Variants in ZDHHC15 observed in about 807,000 individuals in gnomAD.
The protein encoded by ZDHHC15 is zDHHC palmitoyltransferase 15.
A neutral mutation model predicts 31.7 loss-of-function variants in ZDHHC15; 19 were observed. The ratio of observed to expected loss-of-function variants is 0.60; its 90% CI spans 0.42 to 0.88. The LOEUF (loss-of-function observed/expected upper bound fraction) is 0.88, where lower values mean the gene tolerates loss of function less well. Ranked by LOEUF, ZDHHC15 falls within the 40% of genes least tolerant of loss-of-function variation. ZDHHC15 has a pLI of 0.00. For synonymous variants in ZDHHC15, 103 were observed against 90.0 expected (o/e 1.14, Z -0.82); for missense variants, 209 against 251.2 (o/e 0.83, Z 1.14).
chrX:75,433,693 GTGTGTATATATA>G (rs1325412311), intron 4 of ZDHHC15, among the ~76,000 whole-genome samples: 32 of 4,163 alleles, frequency 7.7e-3, no homozygotes, highest in African/African-American at 8.5e-3. Context: ...GTGTGTGTGT[GTGTGTATATATA>G]TATATATATA....
chrX:75,431,431 G>A lies in ZDHHC15; in HGVS notation c.449+20C>T, dbSNP rs754122523. On this transcript the variant is annotated intron_variant, in intron 5 of 11. Transcript: ENST00000373367. ...TTCAGTGGCCAAGCCCAGCCCAGGG[G>A]AAATATGGCCGTCACTTACATAGCA... is the stretch of plus-strand genomic sequence containing the variant. 2 of 1,201,783 alleles carry A rather than the reference G, an allele frequency of 1.7e-6. No individual in the cohort carries two copies. Among genetic ancestry groups the A allele is most frequent in the Non-Finnish European group, 2.2e-6 (2 of 890,161 alleles).
At chrX:75,444,675 TATATATATATATACACAC>T (rs2084004942) in intron 4 of ZDHHC15, among the ~76,000 whole-genome samples, 5 of 40,882 alleles carry the variant, frequency 1.2e-4, no homozygotes, top group Middle Eastern at 0.015. Context: ...TATATATATA[TATATATATATATACACAC>T]ACACACACAC....
chrX:75,455,562 C>G (rs2084205140), intron 3 of ZDHHC15, among the ~76,000 whole-genome samples: 1 of 111,700 alleles, frequency 9.0e-6, no homozygotes, highest in Non-Finnish European at 1.9e-5. Flanking sequence ...AAAGAAACTA[C>G]CATCAGAGTG....
chrX:75,391,705 A>G (rs1256243706), intron 10 of ZDHHC15, among the ~76,000 whole-genome samples: 1 of 112,495 alleles, frequency 8.9e-6, no homozygotes. Flanking sequence ...TTCTATAAGA[A>G]ATGCTAAAAG....
chrX:75,520,012 T>G (rs5937392), intron 1 of ZDHHC15, among the ~76,000 whole-genome samples: 2,385 of 112,147 alleles, frequency 0.021, 37 homozygotes, highest in South Asian at 0.13. Flanking sequence ...CTGCATTAGT[T>G]TAGAGGAGAC....
intron 9 of ZDHHC15, among the ~76,000 whole-genome samples, chrX:75,421,422 AAT>A (rs1193780470): frequency 3.7e-5 from 2 of 54,598 alleles, no homozygotes; most frequent in Admixed American, 2.7e-4. Flanking sequence ...ATATATATAT[AAT>A]ATATATATAA....
rs1204589959 is a variant in ZDHHC15, at chrX:75,450,890, A to C, written c.291T>G (p.Tyr97Ter). Residue 97 changes from tyrosine to a stop codon, truncating the protein, a stop_gained, in exon 4 of 12, where the codon TAT becomes TAG. Transcript: ENST00000373367. LOFTEE classifies it high-confidence loss of function. ...GGACCTCAGGTCTTTCTTCATTTTC[A>C]TAGCGCTCCTTGTCTGTGTAGGACA... ...FHLSYTDKER[Y>*]ENEERPEVQK... 1 of 1,208,455 alleles carries C rather than the reference A, an allele frequency of 8.3e-7. No individual in the cohort carries two copies. The highest frequency in any genetic ancestry group is 1.1e-6 in the Non-Finnish European group (1 of 894,415).
At chrX:75,492,817 C>T (rs1264729530) in intron 2 of ZDHHC15, among the ~76,000 whole-genome samples, 1 of 111,589 alleles carries the variant, frequency 9.0e-6, no homozygotes, top group East Asian at 2.8e-4. Flanking sequence ...TAAATGCCCA[C>T]AAGAGAAAGC....
chrX:75,423,799 C>A (rs1013160841), intron 8 of ZDHHC15, among the ~76,000 whole-genome samples: 6 of 108,495 alleles, frequency 5.5e-5, no homozygotes, highest in Non-Finnish European at 1.1e-4. Context: ...CATGTACGGC[C>A]AATAGATGCA....
chrX:75,399,967 T>G (rs2083338583), intron 10 of ZDHHC15, among the ~76,000 whole-genome samples: 1 of 110,937 alleles, frequency 9.0e-6, no homozygotes, highest in African/African-American at 3.3e-5. Flanking sequence ...AGAAAAGAAG[T>G]ATATTGACTG....
At chrX:75,380,634 G>A (rs2083104247) in intron 10 of ZDHHC15, among the ~76,000 whole-genome samples, 1 of 110,975 alleles carries the variant, frequency 9.0e-6, no homozygotes, top group South Asian at 3.9e-4. Flanking sequence ...AGCTCACCGG[G>A]TGAGGACTAA....
At chrX:75,429,340 C>A in intron 6 of ZDHHC15, 142 bp from the exon 7 acceptor site, 1 of 707,646 alleles carries the variant, frequency 1.4e-6, no homozygotes, top group East Asian at 4.0e-5. Flanking sequence ...GATAGAAGTC[C>A]CTTAATAAGA....
At chrX:75,422,020 G>C (rs2083650596) in intron 8 of ZDHHC15, 30 bp from the exon 9 acceptor site, 1 of 1,180,159 alleles carries the variant, frequency 8.5e-7, no homozygotes, top group Non-Finnish European at 1.1e-6. Context: ...TTGAAGAAAA[G>C]AGGAAGAAAG....
chrX:75,397,589 G>C (rs1303407576), intron 10 of ZDHHC15, among the ~76,000 whole-genome samples: 1 of 110,800 alleles, frequency 9.0e-6, no homozygotes, highest in Non-Finnish European at 1.9e-5. Flanking sequence ...AATGAATAAA[G>C]AAACAACCTG....
In ZDHHC15 at chrX:75,382,145, C is replaced by T. The variant is rs1032707129; in HGVS notation, c.968-2947G>A. 4.5e-5 allele frequency among the ~76,000 whole-genome samples: 5 copies of T among 112,206 alleles called. No homozygotes were observed. The South Asian group carries it at 1.9e-3, about 42-fold the overall frequency. ...CCAAGTCTTGTGTTAGATTGTCTTT[C>T]CCTGCAACTGCAAACTCCTTGAGGA... On this transcript the variant is annotated intron_variant, in intron 10 of 11. Transcript: ENST00000373367.
intron 8 of ZDHHC15, 107 bp from the exon 9 acceptor site, chrX:75,422,097 T>C: frequency 2.0e-6 from 2 of 976,919 alleles, no homozygotes; most frequent in Non-Finnish European, 2.7e-6. Context: ...CTTGGTTCTA[T>C]TATATCTTTT....
intron 2 of ZDHHC15, among the ~76,000 whole-genome samples, chrX:75,487,826 T>C (rs2084802688): frequency 9.0e-6 from 1 of 111,396 alleles, no homozygotes; most frequent in Non-Finnish European, 1.9e-5. Flanking sequence ...ATAGAGATCA[T>C]AAAAGACAAA....
At chrX:75,373,609 G>C (rs1198497230) in intron 11 of ZDHHC15, among the ~76,000 whole-genome samples, 1 of 111,309 alleles carries the variant, frequency 9.0e-6, no homozygotes, top group Non-Finnish European at 1.9e-5. Context: ...TTTATGTTTA[G>C]TGATATTATT....
At chrX:75,387,650 C>T (rs897359304) in intron 10 of ZDHHC15, among the ~76,000 whole-genome samples, 1 of 111,680 alleles carries the variant, frequency 9.0e-6, no homozygotes, top group Non-Finnish European at 1.9e-5. Flanking sequence ...AGATCACCTA[C>T]AAGATACAGA....
Sources: gnomAD v4.1 joint callset for allele counts (sites outside exome capture counted in the v4.1 genomes callset) on GRCh38, gnomAD v4.1.1 for gene constraint, MANE v1.5 for transcripts, NCBI Gene and HGNC (gene_info 2026-07-23, HGNC 2026-07-21) for gene names.